The following PTCD2 variants were observed in gnomAD, a reference collection of about 807,000 sequenced individuals.
The protein encoded by PTCD2 is pentatricopeptide repeat domain 2, also known as pentatricopeptide repeat-containing protein 2, mitochondrial.
PTCD2 carries 31 observed loss-of-function variants against 42.6 expected under a neutral mutation model. The ratio of observed to expected loss-of-function variants is 0.73; its 90% CI spans 0.55 to 0.98. The LOEUF is 0.98. Ranked by LOEUF, PTCD2 falls within the 50% of genes least tolerant of loss-of-function variation. The pLI, the probability that PTCD2 is intolerant of heterozygous loss-of-function variation, is 0.00. For missense variants in PTCD2, 476 were observed against 454.8 expected, an observed-to-expected ratio of 1.05 and a Z score of -0.42; for synonymous variants, 183 against 170.9, an observed-to-expected ratio of 1.07 and a Z score of -0.55.
At chr5:72,343,486 T>C (rs544506918) in intron 8 of PTCD2, among the ~76,000 whole-genome samples, 2 of 152,340 alleles carry the variant, frequency 1.3e-5, no homozygotes, top group South Asian at 2.1e-4. Context: ...GTACACAAAA[T>C]AGTGCCTGAC....
intron 9 of PTCD2, among the ~76,000 whole-genome samples, chr5:72,355,646 A>G (rs907935274): frequency 6.6e-6 from 1 of 152,248 alleles, no homozygotes; most frequent in Non-Finnish European, 1.5e-5. Context: ...TGATGGCTTA[A>G]GTACACAAAT....
chr5:72,335,908 T>C (rs768367689), intron 6 of PTCD2, 23 bp downstream of exon 6: 1 of 1,407,552 alleles, frequency 7.1e-7, no homozygotes, highest in Non-Finnish European at 1.0e-6. Flanking sequence ...CCTCTTAACT[T>C]TGAGAGCATT....
chr5:72,355,624 C>T (rs1366223298), intron 9 of PTCD2, among the ~76,000 whole-genome samples: 1 of 152,062 alleles, frequency 6.6e-6, no homozygotes, highest in African/African-American at 2.4e-5. Flanking sequence ...CAAATGAACC[C>T]ATGTGTCACA....
At chr5:72,337,650 T>G (rs950435573) in intron 6 of PTCD2, among the ~76,000 whole-genome samples, 1 of 151,804 alleles carries the variant, frequency 6.6e-6, no homozygotes, top group African/African-American at 2.4e-5. Flanking sequence ...ACAAAAATTA[T>G]CCAGTGGTGG....
Position 72,362,950 on chromosome 5 carries a change from A to G in PTCD2, c.*4523A>G, listed in dbSNP as rs1162655864. Reference sequence around the variant, plus strand: ...TTTGTTGATAGTTTTGTTGAGGATGATTCAGGAAATAAATACAAACTTTTA... The same window carrying G: ...TTTGTTGATAGTTTTGTTGAGGATGGTTCAGGAAATAAATACAAACTTTTA... On this transcript the variant is annotated 3_prime_UTR_variant, in exon 10 of 10. Transcript: ENST00000380639. The G allele has an allele frequency of 6.6e-6, 1 of 152,208 alleles. No homozygotes were observed. Among genetic ancestry groups the G allele is most frequent in the Admixed American group, 6.5e-5 (1 of 15,284 alleles). 9.4% of individuals were successfully genotyped at this position (152,208 alleles called of 1,614,324 possible).
In PTCD2 at chr5:72,333,531, GAA is replaced by G. The variant is rs1751554619; in HGVS notation, c.469-1484_469-1483del. On this transcript the variant is annotated intron_variant, in intron 4 of 9. Coordinates refer to ENST00000380639, the MANE Select transcript of PTCD2 (RefSeq NM_024754.5). ...ACAGGGTCTGCATAGTAGGTGATCG[GAA>G]AAGAGTGAACTTGAGCAAGGCATTT... is the stretch of plus-strand genomic sequence containing the variant. Among the ~76,000 whole-genome samples the G allele has an allele frequency of 2.6e-5, 4 of 152,252 alleles. No homozygotes were observed. The South Asian group carries it at 8.3e-4, about 32-fold the overall frequency.
intron 2 of PTCD2, 43 bp from the exon 3 acceptor site, chr5:72,326,569 C>G (rs1751149225): frequency 6.2e-7 from 1 of 1,609,972 alleles, no homozygotes; most frequent in South Asian, 1.1e-5. Flanking sequence ...CTTATACTCT[C>G]AGTCAGCCTG....
intron 8 of PTCD2, 88 bp downstream of exon 8, chr5:72,343,124 T>A (rs2112191868): frequency 1.8e-6 from 1 of 565,412 alleles, no homozygotes; most frequent in Non-Finnish European, 2.7e-6. Context: ...ATTTTTTAGC[T>A]GTATACAATG....
chr5:72,358,563 G>C lies in PTCD2; in HGVS notation c.*136G>C, dbSNP rs1206559301. Reference sequence around the variant, plus strand: ...TTCTCCTGAAATTCCCAAATTCACTGAATGGTACCATGCCGATCTCTGAGA... The same window carrying C: ...TTCTCCTGAAATTCCCAAATTCACTCAATGGTACCATGCCGATCTCTGAGA... On this transcript the variant is annotated 3_prime_UTR_variant, in exon 10 of 10. Transcript: ENST00000380639. The C allele has an allele frequency of 1.5e-6, 1 of 664,748 alleles. No homozygotes were observed. Among genetic ancestry groups the C allele is most frequent in the East Asian group, 2.7e-5 (1 of 36,924 alleles). 41.2% of individuals were successfully genotyped at this position (664,748 alleles called of 1,614,324 possible).
rs1247093180 is a variant in PTCD2, at chr5:72,359,696, A to G, written c.*1269A>G. 6.6e-6 allele frequency: 1 copy of G among 152,252 alleles called. No individual in the cohort carries two copies. The highest frequency in any genetic ancestry group is 1.5e-5 in the Non-Finnish European group (1 of 68,052). 9.4% of individuals were successfully genotyped at this position (152,252 alleles called of 1,614,324 possible). A position where few individuals can be genotyped will look rare whatever the true frequency, so the allele number is the denominator to read the frequency against. ...ACAGCTTCAGGTGTTTGCTGAATCCAGGTCTGAGATCACAATCCCACCTGA... is the reference window on the plus strand; with the variant it reads ...ACAGCTTCAGGTGTTTGCTGAATCCGGGTCTGAGATCACAATCCCACCTGA... On this transcript the variant is annotated 3_prime_UTR_variant, in exon 10 of 10. Transcript: ENST00000380639.
chr5:72,348,189 G>A (rs1207013283), intron 8 of PTCD2, among the ~76,000 whole-genome samples: 1 of 152,148 alleles, frequency 6.6e-6, no homozygotes, highest in African/African-American at 2.4e-5. Context: ...GTCTCTGTTA[G>A]TAGAGCACAT....
intron 2 of PTCD2, 104 bp from the exon 3 acceptor site, chr5:72,326,508 C>A: frequency 8.2e-7 from 1 of 1,224,380 alleles, no homozygotes; most frequent in Middle Eastern, 1.9e-4. Context: ...TCTCAGTGCC[C>A]CTCTGCAGTG....
At chr5:72,357,153 C>T (rs1449800154) in intron 9 of PTCD2, among the ~76,000 whole-genome samples, 1 of 152,156 alleles carries the variant, frequency 6.6e-6, no homozygotes, top group African/African-American at 2.4e-5. Flanking sequence ...TAGACATACC[C>T]ATTTAGATGG....
intron 4 of PTCD2, among the ~76,000 whole-genome samples, chr5:72,333,728 A>T (rs1272851119): frequency 3.3e-5 from 5 of 152,236 alleles, no homozygotes; most frequent in Non-Finnish European, 5.9e-5. Flanking sequence ...GTATTCTTCA[A>T]AATTGCCTAA....
intron 7 of PTCD2, among the ~76,000 whole-genome samples, chr5:72,339,613 A>T (rs1385793227): frequency 6.6e-6 from 1 of 151,964 alleles, no homozygotes; most frequent in Non-Finnish European, 1.5e-5. Context: ...TGTGCAGGGG[A>T]ATTATTTTGT....
rs781717954 is a variant in PTCD2, at chr5:72,352,590, A to G, written c.829-51A>G. 11 of 877,228 alleles carry G rather than the reference A, an allele frequency of 1.3e-5. No individual in the cohort carries two copies. The South Asian group carries it at 1.4e-4, about 11-fold the overall frequency. The allele number at this position is 877,228 out of a possible 1,614,324, so 54.3% of individuals were successfully genotyped here. A position where few individuals can be genotyped will look rare whatever the true frequency, so the allele number is the denominator to read the frequency against. On this transcript the variant is annotated intron_variant, in intron 8 of 9. Transcript: ENST00000380639. ...TATCTAACCAGGTACATTTCTCAGC[A>G]TTGAGACACTCACTCAGTCTTGGTT...
intron 1 of PTCD2, chr5:72,321,505 T>A (rs2112110966): frequency 6.6e-6 from 1 of 152,372 alleles, no homozygotes. Context: ...CTTTTATTGT[T>A]ACCTTGTTAC....
chr5:72,352,032 C>T (rs1752647351), intron 8 of PTCD2, among the ~76,000 whole-genome samples: 1 of 152,172 alleles, frequency 6.6e-6, no homozygotes, highest in Non-Finnish European at 1.5e-5. Flanking sequence ...AGATTAAGTA[C>T]CAGTCCAGAG....
intron 9 of PTCD2, among the ~76,000 whole-genome samples, chr5:72,357,453 T>C (rs1752931697): frequency 6.6e-6 from 1 of 152,230 alleles, no homozygotes; most frequent in African/African-American, 2.4e-5. Context: ...GCCTCCAGAA[T>C]AGTCTCCACA....
Sources: allele counts gnomAD v4.1 joint callset (sites outside exome capture counted in the v4.1 genomes callset), GRCh38; gene constraint gnomAD v4.1.1; transcripts MANE v1.5; gene names NCBI Gene and HGNC (gene_info 2026-07-23, HGNC 2026-07-21).